CACYBP: variants seen among roughly 807,000 people sequenced by gnomAD.
CACYBP encodes calcyclin-binding protein.
CACYBP carries 11 observed loss-of-function variants against 29.6 expected under a neutral mutation model. The observed-to-expected ratio is 0.37, with a 90% CI of 0.23 to 0.61. CACYBP has a LOEUF of 0.61. CACYBP is among the 20% of genes least tolerant of loss of function. CACYBP has a pLI of 0.65. For synonymous variants in CACYBP, 73 were observed against 88.3 expected (o/e 0.83, Z 0.97); for missense variants, 163 against 260.7 (o/e 0.63, Z 2.58).
Position 175,004,817 on chromosome 1 carries a change from G to A in CACYBP, c.219G>A (p.Val73=), listed in dbSNP as rs1416921325. 3 of 1,608,674 alleles carry A rather than the reference G, an allele frequency of 1.9e-6. No individual in the cohort carries two copies. The highest frequency in any genetic ancestry group is 2.6e-6 in the Non-Finnish European group (3 of 1,175,070). ...VVAPITTGYT[V]KISNYGWDQS... is the part of the protein sequence containing the mutation. ...CTCCCATTACAACGGGCTATACGGT[G>A]AAAATCAGTAATTATGGTATGACTT... is the stretch of plus-strand genomic sequence containing the variant. Residue 73 remains valine (V), a synonymous_variant, in exon 2 of 6, where the codon GTG becomes GTA. Transcript: ENST00000367679.
At chr1:175,003,698 A>T (rs757130179) in intron 1 of CACYBP, among the ~76,000 whole-genome samples, 24 of 152,298 alleles carry the variant, frequency 1.6e-4, no homozygotes, top group South Asian at 2.1e-4. Flanking sequence ...GTGTAAAGTT[A>T]TTGTAAGAAA....
chr1:175,006,566 T>G (rs578050890), intron 2 of CACYBP, 179 bp from the exon 3 acceptor site: 13 of 506,654 alleles, frequency 2.6e-5, no homozygotes, highest in African/African-American at 1.6e-4. Flanking sequence ...GTAGAGTACT[T>G]AACTGCTTTG....
chr1:175,009,816 CTG>C, intron 5 of CACYBP, 105 bp from the exon 6 acceptor site: 1 of 786,802 alleles, frequency 1.3e-6, no homozygotes, highest in Non-Finnish European at 2.0e-6. Context: ...TTTGGGTACT[CTG>C]TCTTCCTTCT....
chr1:175,008,907 T>C (rs1202687479), intron 5 of CACYBP: 7 of 524,654 alleles, frequency 1.3e-5, no homozygotes, highest in Admixed American at 3.3e-5. Context: ...TAGGCGCAGT[T>C]GTGCTTCTAT....
At chr1:175,000,223 T>G (rs572569414) in intron 1 of CACYBP, 28 bp downstream of exon 1, 83 of 1,595,570 alleles carry the variant, frequency 5.2e-5, no homozygotes, top group Non-Finnish European at 7.1e-5. Context: ...ATATTCCTTA[T>G]GCCCCCCGGC....
Position 174,999,950 on chromosome 1 carries a change from G to C in CACYBP, c.-231G>C. 1.7e-6 allele frequency: 1 copy of C among 594,730 alleles called. No homozygotes were observed. Among genetic ancestry groups the C allele is most frequent in the Non-Finnish European group, 2.9e-6 (1 of 347,550 alleles). The allele number at this position is 594,730 out of a possible 1,614,324, so 36.8% of individuals were successfully genotyped here. On this transcript the variant is annotated 5_prime_UTR_variant, in exon 1 of 6. Coordinates refer to ENST00000367679, the MANE Select transcript of CACYBP (RefSeq NM_014412.3). The stretch of plus-strand genomic sequence containing the variant: ...AAGGGTGGGTGGAGCCAGGCTTGGC[G>C]GGCTGTGCGTGCTCGCGGTGGGCGG...
Position 175,000,179 on chromosome 1 carries a change from C to T in CACYBP, c.-2C>T, listed in dbSNP as rs776545468. Reference sequence around the variant, plus strand: ...TCGGGACTTCGGCCTGACCCAGCCCCCATGGCTTCAGAAGAGGTAAGTGGT... The same window carrying T: ...TCGGGACTTCGGCCTGACCCAGCCCTCATGGCTTCAGAAGAGGTAAGTGGT... On this transcript the variant is annotated 5_prime_UTR_variant, in exon 1 of 6. Coordinates refer to ENST00000367679, the MANE Select transcript of CACYBP (RefSeq NM_014412.3). 13 of 1,608,226 alleles carry T rather than the reference C, an allele frequency of 8.1e-6. No individual in the cohort carries two copies. The African/African-American group carries it at 9.4e-5, about 12-fold the overall frequency.
At chr1:175,008,424 T>C (rs1004501272) in intron 4 of CACYBP, among the ~76,000 whole-genome samples, 185 bp from the exon 5 acceptor site, 2 of 152,194 alleles carry the variant, frequency 1.3e-5, no homozygotes, top group African/African-American at 4.8e-5. Context: ...CAAGTTTTAC[T>C]TATTTATGGT....
chr1:175,006,989 C>CA, intron 3 of CACYBP, 109 bp from the exon 4 acceptor site: 1 of 864,160 alleles, frequency 1.2e-6, no homozygotes, highest in Non-Finnish European at 1.9e-6. Context: ...GTTAACTGGC[C>CA]AAATGCACAC....
At chr1:175,006,271 C>T (rs983235715) in intron 2 of CACYBP, among the ~76,000 whole-genome samples, 4 of 152,180 alleles carry the variant, frequency 2.6e-5, no homozygotes, top group Non-Finnish European at 5.9e-5. Flanking sequence ...CTACTTTGCC[C>T]TGGAAAGGAA....
rs1300058938 is a variant in CACYBP at position 175,007,192 on chromosome 1, A to G, written c.427A>G (p.Lys143Glu). 2 of 1,596,610 alleles carry G rather than the reference A, an allele frequency of 1.3e-6. No homozygotes were observed. Among genetic ancestry groups the G allele is most frequent in the Non-Finnish European group, 1.7e-6 (2 of 1,165,826 alleles). The change falls in exon 4 of 6, where the codon AAA (lysine) becomes GAA (glutamate). Residue 143 changes from lysine (K) to glutamate (E), a missense_variant. By Grantham distance (56) the Lys-to-Glu change is moderately conservative (BLOSUM62 1). Transcript: ENST00000367679. ...LKPISVEGSS[K>E]KVKTDTVLIL... Reference sequence around the variant, plus strand: ...ACCCATCTCTGTGGAAGGCAGTTCAAAAAAAGTGAGTGTGCTTTTTTTGAT... The same window carrying G: ...ACCCATCTCTGTGGAAGGCAGTTCAGAAAAAGTGAGTGTGCTTTTTTTGAT...
chr1:175,001,998 G>C (rs1355735800), intron 1 of CACYBP, among the ~76,000 whole-genome samples: 1 of 152,140 alleles, frequency 6.6e-6, no homozygotes. Context: ...CGCCCGCCTC[G>C]GCCTCTGAAA....
chr1:175,001,816 A>C (rs539005594), intron 1 of CACYBP, among the ~76,000 whole-genome samples: 1 of 152,238 alleles, frequency 6.6e-6, no homozygotes, highest in African/African-American at 2.4e-5. Context: ...ATCTCGGCTC[A>C]CTGCAATCTC....
intron 1 of CACYBP, 97 bp downstream of exon 1, chr1:175,000,292 C>T (rs1287539861): frequency 8.5e-6 from 13 of 1,522,746 alleles, no homozygotes; most frequent in Non-Finnish European, 1.1e-5. Context: ...AGCCGCCCTG[C>T]GGCCACCCGG....
At chr1:175,009,016 G>T in intron 5 of CACYBP, 1 of 223,432 alleles carries the variant, frequency 4.5e-6, no homozygotes, top group Non-Finnish European at 8.8e-6. Context: ...CTTCTGATGC[G>T]TAGTTTTCAT....
At chr1:175,006,396 C>T (rs1057151320) in intron 2 of CACYBP, among the ~76,000 whole-genome samples, 1 of 152,072 alleles carries the variant, frequency 6.6e-6, no homozygotes, top group Non-Finnish European at 1.5e-5. Context: ...ATTTAGATGT[C>T]GGACAAAATT....
At chr1:175,003,159 C>T in intron 1 of CACYBP, among the ~76,000 whole-genome samples, 1 of 149,726 alleles carries the variant, frequency 6.7e-6, no homozygotes, top group Non-Finnish European at 1.5e-5. Context: ...GCTCTTGTTG[C>T]CCGGGCTGGA....
chr1:175,005,662 C>T (rs1273683220), intron 2 of CACYBP, among the ~76,000 whole-genome samples: 2 of 152,022 alleles, frequency 1.3e-5, no homozygotes, highest in Non-Finnish European at 2.9e-5. Flanking sequence ...GTATGTCGTG[C>T]TTAAGAGATG....
chr1:175,000,620 C>T lies in CACYBP; in HGVS notation c.15+425C>T, dbSNP rs1233385584. 8 of 1,052,160 alleles carry T rather than the reference C, an allele frequency of 7.6e-6. No individual in the cohort carries two copies. The East Asian group carries it at 8.1e-4, about 106-fold the overall frequency. The allele number at this position is 1,052,160 out of a possible 1,614,324, so 65.2% of individuals were successfully genotyped here. A position where few individuals can be genotyped will look rare whatever the true frequency, so the allele number is the denominator to read the frequency against. On this transcript the variant is annotated intron_variant, in intron 1 of 5. Transcript: ENST00000367679. ...GGAAGGTGAGTTCTCAGTGCTAGCA[C>T]TTGAATTCTCCTAGTCAGGTTTTCT...
Sources: allele counts gnomAD v4.1 joint callset (sites outside exome capture counted in the v4.1 genomes callset), GRCh38; gene constraint gnomAD v4.1.1; transcripts MANE v1.5; gene names NCBI Gene and HGNC (gene_info 2026-07-23, HGNC 2026-07-21).